Variants in CAB39 observed in about 807,000 individuals in gnomAD.
CAB39 encodes the protein calcium binding protein 39.
In CAB39, 8 loss-of-function variants were observed where a neutral mutation model predicts 40.0. That is an observed-to-expected ratio of 0.20 (90% confidence interval 0.12 to 0.36). The LOEUF (loss-of-function observed/expected upper bound fraction) is 0.36, where lower values mean the gene tolerates loss of function less well. Ranked by LOEUF, CAB39 falls within the 10% of genes least tolerant of loss-of-function variation. The probability of loss-of-function intolerance (pLI) is 1.00; values close to 1 mark genes in which losing one functional copy is unlikely to be tolerated. For synonymous variants in CAB39, 156 were observed against 141.6 expected (o/e 1.10, Z -0.72); for missense variants, 270 against 401.1 (o/e 0.67, Z 2.79).
intron 1 of CAB39, among the ~76,000 whole-genome samples, chr2:230,744,075 A>G (rs1694930240): frequency 2.0e-5 from 3 of 152,010 alleles, no homozygotes; most frequent in South Asian, 2.1e-4. Flanking sequence ...ATCTGCCACC[A>G]TGCGCGGCTA....
intron 5 of CAB39, among the ~76,000 whole-genome samples, chr2:230,800,712 G>A (rs1696075557): frequency 6.6e-6 from 1 of 152,166 alleles, no homozygotes; most frequent in South Asian, 2.1e-4. Context: ...AGTGGTGTGG[G>A]AGAATGCAGC....
intron 1 of CAB39, among the ~76,000 whole-genome samples, chr2:230,738,731 G>T (rs1694828192): frequency 1.3e-5 from 2 of 152,174 alleles, no homozygotes; most frequent in South Asian, 4.1e-4. Flanking sequence ...AGCTCAGGCT[G>T]GTTTTGTGGC....
intron 1 of CAB39, among the ~76,000 whole-genome samples, chr2:230,730,759 A>G (rs570831345): frequency 6.6e-6 from 1 of 152,258 alleles, no homozygotes; most frequent in South Asian, 2.1e-4. Flanking sequence ...AACTTATATG[A>G]ATATCCATTG....
intron 1 of CAB39, among the ~76,000 whole-genome samples, chr2:230,754,380 T>TTTCCCTCCTTCTTCCC (rs1178436854): frequency 3.0e-5 from 4 of 134,920 alleles, no homozygotes; most frequent in African/African-American, 1.2e-4. Context: ...TCTGCCTTCC[T>TTTCCCTCCTTCTTCCC]CTTCCCCTCC....
At chr2:230,754,527 T>TC (rs1234437469) in intron 1 of CAB39, among the ~76,000 whole-genome samples, 1 of 149,232 alleles carries the variant, frequency 6.7e-6, no homozygotes, top group Non-Finnish European at 1.5e-5. Context: ...CTCCTCCTCT[T>TC]CCCCCCTCCT....
intron 1 of CAB39, among the ~76,000 whole-genome samples, chr2:230,715,035 G>A (rs530790236): frequency 6.6e-6 from 1 of 152,186 alleles, no homozygotes; most frequent in Non-Finnish European, 1.5e-5. Context: ...TTACCACTTA[G>A]ATTTGGTTAC....
intron 1 of CAB39, chr2:230,713,722 C>G (rs1341706771): frequency 2.0e-5 from 3 of 152,282 alleles, no homozygotes; most frequent in African/African-American, 7.2e-5. Flanking sequence ...GCGGTCGGAG[C>G]GTTCTGGAGT....
intron 6 of CAB39, among the ~76,000 whole-genome samples, chr2:230,810,691 A>G (rs1696288901): frequency 6.6e-6 from 1 of 152,242 alleles, no homozygotes; most frequent in Admixed American, 6.5e-5. Context: ...GCAGCAGCTG[A>G]TAGGATGAGA....
intron 1 of CAB39, among the ~76,000 whole-genome samples, chr2:230,733,376 C>T (rs1475065717): frequency 6.6e-6 from 1 of 152,040 alleles, no homozygotes; most frequent in Non-Finnish European, 1.5e-5. Context: ...CCCCACATAC[C>T]CCCAAGGTAG....
chr2:230,734,280 C>A (rs1694746254), intron 1 of CAB39, among the ~76,000 whole-genome samples: 1 of 152,146 alleles, frequency 6.6e-6, no homozygotes. Flanking sequence ...CTTATTCGCC[C>A]CTTGATCTCT....
chr2:230,804,825 G>A (rs1022729710), intron 5 of CAB39, among the ~76,000 whole-genome samples: 1 of 152,162 alleles, frequency 6.6e-6, no homozygotes, highest in African/African-American at 2.4e-5. Context: ...CAACCATTGT[G>A]GAAGACAGTG....
intron 5 of CAB39, among the ~76,000 whole-genome samples, chr2:230,805,220 G>A (rs998410161): frequency 6.6e-6 from 1 of 151,832 alleles, no homozygotes; most frequent in African/African-American, 2.4e-5. Flanking sequence ...TGGACACAGG[G>A]CGGGGAACAT....
chr2:230,773,358 G>T (rs376427254), intron 2 of CAB39, among the ~76,000 whole-genome samples: 29 of 140,854 alleles, frequency 2.1e-4, no homozygotes, highest in African/African-American at 7.7e-4. Context: ...GTTACATTAG[G>T]TACTTTAAAT....
At chr2:230,754,810 C>G (rs557048690) in intron 1 of CAB39, among the ~76,000 whole-genome samples, 1 of 152,342 alleles carries the variant, frequency 6.6e-6, no homozygotes, top group South Asian at 2.1e-4. Context: ...TGAGCCACTG[C>G]GCCCGGCCTA....
At chr2:230,765,753 G>GTT (rs1695374683) in intron 2 of CAB39, among the ~76,000 whole-genome samples, 1 of 152,084 alleles carries the variant, frequency 6.6e-6, no homozygotes, top group Non-Finnish European at 1.5e-5. Context: ...CTGGCATCTA[G>GTT]TTAGTACAGG....
At chr2:230,760,298 T>C (rs1695267310) in intron 2 of CAB39, among the ~76,000 whole-genome samples, 183 bp downstream of exon 2, 1 of 152,232 alleles carries the variant, frequency 6.6e-6, no homozygotes, top group Non-Finnish European at 1.5e-5. Flanking sequence ...CAAATAGATT[T>C]CTAACTGTTC....
chr2:230,733,432 G>A (rs1397370039), intron 1 of CAB39, among the ~76,000 whole-genome samples: 1 of 152,072 alleles, frequency 6.6e-6, no homozygotes, highest in Admixed American at 6.5e-5. Context: ...TTCCTTCCTT[G>A]AAACTAAAAG....
chr2:230,738,537 A>G (rs1306839222), intron 1 of CAB39, among the ~76,000 whole-genome samples: 3 of 152,314 alleles, frequency 2.0e-5, no homozygotes, highest in Middle Eastern at 3.4e-3. Context: ...TGGTTAGGAA[A>G]ATTCTCAGCA....
chr2:230,721,071 T>C (rs1438675123), intron 1 of CAB39, among the ~76,000 whole-genome samples: 10 of 152,338 alleles, frequency 6.6e-5, no homozygotes, highest in African/African-American at 2.2e-4. Context: ...CCCCACCTCA[T>C]GTTTTCAGAG....
Sources: allele counts gnomAD v4.1 joint callset (sites outside exome capture counted in the v4.1 genomes callset), GRCh38; gene constraint gnomAD v4.1.1; transcripts MANE v1.5; gene names NCBI Gene and HGNC (gene_info 2026-07-23, HGNC 2026-07-21).